Variants in EFHB observed in about 807,000 individuals in gnomAD.
EFHB encodes EF-hand domain family member B.
In EFHB, 91 loss-of-function variants were observed where a neutral mutation model predicts 87.2. That is an observed-to-expected ratio of 1.04 (90% CI 0.88 to 1.24). EFHB has a LOEUF of 1.24. Among genes scored for constraint, EFHB ranks in the 50% most tolerant of loss-of-function variants. EFHB has a pLI of 0.00. For missense variants in EFHB, 1,084 were observed against 998.8 expected, an observed-to-expected ratio of 1.09 and a Z score of -1.15; for synonymous variants, 325 against 333.6, an observed-to-expected ratio of 0.97 and a Z score of 0.28.
At chr3:19,908,602 A>AG (rs1559459816) in intron 5 of EFHB, among the ~76,000 whole-genome samples, 88 of 77,292 alleles carry the variant, frequency 1.1e-3, no homozygotes, top group Admixed American at 3.2e-3. Context: ...GAGAGAGAGA[A>AG]AGAAAGAAAG....
chr3:19,898,948 A>C, intron 7 of EFHB, 103 bp from the exon 8 acceptor site: 20 of 1,122,542 alleles, frequency 1.8e-5, no homozygotes, highest in Admixed American at 4.7e-5. Context: ...ATTTTATCTC[A>C]TAACCAAACT....
intron 1 of EFHB, among the ~76,000 whole-genome samples, chr3:19,927,938 G>GTATATATATAGTATATAC (rs1695687608): frequency 6.7e-6 from 1 of 148,468 alleles, no homozygotes; most frequent in Non-Finnish European, 1.5e-5. Context: ...AAATACTATA[G>GTATATATATAGTATATAC]TATATATATA....
chr3:19,882,905 G>A (rs1226510118), intron 11 of EFHB, among the ~76,000 whole-genome samples, 174 bp from the exon 12 acceptor site: 2 of 151,984 alleles, frequency 1.3e-5, no homozygotes, highest in Non-Finnish European at 2.9e-5. Flanking sequence ...TTTAATAATT[G>A]TTATATTGAT....
intron 6 of EFHB, 29 bp downstream of exon 6, chr3:19,905,591 G>A (rs964364734): frequency 1.3e-6 from 2 of 1,597,302 alleles, no homozygotes; most frequent in South Asian, 2.2e-5. Context: ...TCTAACACTT[G>A]TTCCTGGGCA....
At chr3:19,892,861 T>TAAAATAAAATAAAATA in intron 9 of EFHB, among the ~76,000 whole-genome samples, 1 of 114,896 alleles carries the variant, frequency 8.7e-6, no homozygotes, top group Non-Finnish European at 1.8e-5. Context: ...ATCTCTAAAA[T>TAAAATAAAATAAAATA]AAAATAAAAT....
At position 19,900,175 on chromosome 3, in the gene EFHB, A is replaced by G. The variant is rs147829611; in HGVS notation, c.1419-660T>C. On this transcript the variant is annotated intron_variant, in intron 6 of 12. Coordinates refer to ENST00000295824, the MANE Select transcript of EFHB (RefSeq NM_144715.4). The stretch of plus-strand genomic sequence containing the variant: ...ATGCCTGTAATCTCAATACTTTAGG[A>G]AGCTAAAGCTGGAGGATCAATCGAG... Among the ~76,000 whole-genome samples the G allele has an allele frequency of 5.1e-3, 770 of 152,304 alleles. 4 individuals are homozygous for G. Among genetic ancestry groups the G allele is most frequent in the African/African-American group, 0.017 (722 of 41,570 alleles).
At chr3:19,920,102 C>T (rs554927579) in intron 2 of EFHB, 126 bp from the exon 3 acceptor site, 76 of 970,414 alleles carry the variant, frequency 7.8e-5, no homozygotes, top group Admixed American at 5.2e-4. Flanking sequence ...GGAACTACAG[C>T]CCCAAATAAT....
chr3:19,946,899 G>A (rs1250294729), intron 1 of EFHB: 5 of 152,554 alleles, frequency 3.3e-5, no homozygotes, highest in Admixed American at 1.3e-4. Flanking sequence ...TGGCGCTGGA[G>A]AGGGCGTGGC....
At chr3:19,887,043 A>T (rs1559445241) in intron 10 of EFHB, among the ~76,000 whole-genome samples, 1 of 152,216 alleles carries the variant, frequency 6.6e-6, no homozygotes, top group East Asian at 1.9e-4. Context: ...GGGAACTGAA[A>T]TGTAGTTCAT....
chr3:19,897,716 G>A (rs1433116532), intron 8 of EFHB, among the ~76,000 whole-genome samples: 3 of 152,138 alleles, frequency 2.0e-5, no homozygotes, highest in African/African-American at 4.8e-5. Context: ...TCTTTTTCAA[G>A]CTAATTGATG....
At chr3:19,884,292 G>C (rs922944908) in intron 11 of EFHB, 111 bp downstream of exon 11, 21 of 1,000,274 alleles carry the variant, frequency 2.1e-5, no homozygotes, top group Admixed American at 5.8e-5. Context: ...TTAAATGCAA[G>C]GTACAAAGCT....
chr3:19,944,239 G>C (rs1311305295), intron 1 of EFHB, among the ~76,000 whole-genome samples: 6 of 152,190 alleles, frequency 3.9e-5, no homozygotes, highest in Non-Finnish European at 1.5e-5. Context: ...ACACAAGGGA[G>C]GACAGATTTC....
intron 9 of EFHB, chr3:19,895,055 AATAAT>A (rs1484007143): frequency 9.5e-5 from 14 of 147,712 alleles, no homozygotes; most frequent in Non-Finnish European, 1.6e-4. Context: ...ATATATTATA[AATAAT>A]ATATAAATAT....
At position 19,899,965 on chromosome 3, in the gene EFHB, C is replaced by T. The variant is rs112088325; in HGVS notation, c.1419-450G>A. 7.8e-3 allele frequency among the ~76,000 whole-genome samples: 1,191 copies of T among 152,138 alleles called. 11 individuals carry two copies. Among genetic ancestry groups the T allele is most frequent in the African/African-American group, 0.025 (1,028 of 41,504 alleles). On this transcript the variant is annotated intron_variant, in intron 6 of 12. Transcript: ENST00000295824. The stretch of plus-strand genomic sequence containing the variant: ...GCATGTACCTGTAGTCCCAGCTACT[C>T]GAGAGGCTGAGCTAGGAAGATCGCT...
chr3:19,883,690 G>GCC (rs1400731705), intron 11 of EFHB, among the ~76,000 whole-genome samples: 1 of 152,082 alleles, frequency 6.6e-6, no homozygotes, highest in South Asian at 2.1e-4. Flanking sequence ...AGTATGGTGG[G>GCC]CCCCTAACCT....
chr3:19,933,732 G>C lies in EFHB; in HGVS notation c.287C>G (p.Ala96Gly). The change falls in exon 1 of 13, where the codon GCT becomes GGT. Residue 96 changes from alanine to glycine, a missense_variant. Coordinates refer to ENST00000295824, the MANE Select transcript of EFHB (RefSeq NM_144715.4). ...RGSLGVDSVS[A>G]SQGTKPSLLP... The stretch of plus-strand genomic sequence containing the variant: ...CAGAGAAGGTTTTGTTCCCTGTGAA[G>C]CTGAGACACTGTCGACTCCTAAACT... 1 of 1,613,964 alleles carries C rather than the reference G, an allele frequency of 6.2e-7. No individual in the cohort carries two copies. Among genetic ancestry groups the C allele is most frequent in the Non-Finnish European group, 8.5e-7 (1 of 1,179,880 alleles).
intron 1 of EFHB, chr3:19,945,966 A>T (rs2125173798): frequency 6.6e-6 from 1 of 152,228 alleles, no homozygotes; most frequent in South Asian, 2.1e-4. Context: ...AATCAATTTA[A>T]TATTCTTCCA....
chr3:19,934,395 C>G (rs969436979), upstream of EFHB, among the ~76,000 whole-genome samples: 1 of 144,420 alleles, frequency 6.9e-6, no homozygotes, highest in Non-Finnish European at 1.5e-5. Context: ...CTCTCTGCCC[C>G]CCCTTCTCTC....
Position 19,888,458 on chromosome 3 carries a change from C to G in EFHB, c.1919G>C (p.Arg640Thr). The part of the protein sequence containing the change: ...DKMLLKEYEE[R>T]VIIKGRKPDC... ...AAATTAAATACCTTTAATAATGACC[C>G]TCTCTTCATACTCTTTAAGAAGCAT... Residue 640 changes from arginine (R) to threonine (T), a missense_variant, in exon 10 of 13, where the codon AGG becomes ACG. Coordinates refer to ENST00000295824, the MANE Select transcript of EFHB (RefSeq NM_144715.4). 1 of 1,525,604 alleles carries G rather than the reference C, an allele frequency of 6.6e-7. No homozygotes were observed. Among genetic ancestry groups the G allele is most frequent in the Admixed American group, 1.9e-5 (1 of 51,396 alleles). The allele number at this position is 1,525,604 out of a possible 1,614,324, so 94.5% of individuals were successfully genotyped here. A position where few individuals can be genotyped will look rare whatever the true frequency, so the allele number is the denominator to read the frequency against.
Sources: gnomAD v4.1 joint callset for allele counts (sites outside exome capture counted in the v4.1 genomes callset) on GRCh38, gnomAD v4.1.1 for gene constraint, MANE v1.5 for transcripts, NCBI Gene and HGNC (gene_info 2026-07-23, HGNC 2026-07-21) for gene names.